The following SFXN5 variants were observed in gnomAD, a reference collection of about 807,000 sequenced individuals.
The protein encoded by SFXN5 is sideroflexin-5.
A neutral mutation model predicts 50.2 loss-of-function variants in SFXN5; 43 were observed. The ratio of observed to expected loss-of-function variants is 0.86; its 90% CI spans 0.67 to 1.11. The LOEUF is 1.11. Ranked by LOEUF, SFXN5 falls within the 50% of genes least tolerant of loss-of-function variation. The pLI is 0.00. For synonymous variants in SFXN5, 203 were observed against 185.8 expected (o/e 1.09, Z -0.75); for missense variants, 463 against 454.1 (o/e 1.02, Z -0.18).
intron 3 of SFXN5, among the ~76,000 whole-genome samples, chr2:73,029,071 G>C (rs952835234): frequency 1.3e-5 from 2 of 152,172 alleles, no homozygotes; most frequent in Non-Finnish European, 2.9e-5. Context: ...TCCTGGGACC[G>C]GGTGCTGGCT....
intron 2 of SFXN5, among the ~76,000 whole-genome samples, chr2:73,056,613 AG>A (rs1682162711): frequency 6.6e-6 from 1 of 151,314 alleles, no homozygotes; most frequent in Non-Finnish European, 1.5e-5. Context: ...TGAACCTGGG[AG>A]GCAGAGGTTG....
intron 10 of SFXN5, among the ~76,000 whole-genome samples, chr2:72,987,971 C>A (rs1270021425): frequency 6.6e-6 from 1 of 152,216 alleles, no homozygotes; most frequent in East Asian, 1.9e-4. Context: ...TAATGTAAAT[C>A]TTTTCCCTGA....
At chr2:73,012,172 T>C (rs1368137131) in intron 6 of SFXN5, among the ~76,000 whole-genome samples, 1 of 152,188 alleles carries the variant, frequency 6.6e-6, no homozygotes, top group Admixed American at 6.5e-5. Context: ...TATGCAGATA[T>C]CTAGAAAAAG....
intron 2 of SFXN5, among the ~76,000 whole-genome samples, chr2:73,052,195 C>A (rs1681415499): frequency 6.6e-6 from 1 of 152,096 alleles, no homozygotes; most frequent in South Asian, 2.1e-4. Context: ...ACCATTTATC[C>A]AGGAAGCCCT....
chr2:72,993,589 T>C (rs898454688), intron 9 of SFXN5, among the ~76,000 whole-genome samples: 1 of 152,196 alleles, frequency 6.6e-6, no homozygotes, highest in Non-Finnish European at 1.5e-5. Flanking sequence ...GACACAGAGC[T>C]GCTTTCTGTG....
intron 1 of SFXN5, among the ~76,000 whole-genome samples, chr2:73,063,160 T>A (rs1447682198): frequency 6.6e-6 from 1 of 152,156 alleles, no homozygotes; most frequent in Non-Finnish European, 1.5e-5. Context: ...ATTGGTCATA[T>A]CAGTCTGAGA....
chr2:72,989,741 T>C (rs1294748268), intron 9 of SFXN5, among the ~76,000 whole-genome samples: 2 of 152,144 alleles, frequency 1.3e-5, no homozygotes, highest in Non-Finnish European at 2.9e-5. Flanking sequence ...GAGAAATGCA[T>C]ACAAGTGCAG....
At chr2:72,959,428 C>G (rs1474008211) in intron 13 of SFXN5, among the ~76,000 whole-genome samples, 4 of 152,240 alleles carry the variant, frequency 2.6e-5, no homozygotes, top group Non-Finnish European at 5.9e-5. Flanking sequence ...CACTCCCAGA[C>G]CACGTGCTGC....
chr2:73,070,858 G>A (rs1683536613), intron 1 of SFXN5: 2 of 152,418 alleles, frequency 1.3e-5, no homozygotes, highest in South Asian at 4.1e-4. Context: ...CAGCGAGGAA[G>A]AGGCTGGGGG....
intron 13 of SFXN5, among the ~76,000 whole-genome samples, chr2:72,952,495 C>G (rs1672643974): frequency 6.6e-6 from 1 of 152,210 alleles, no homozygotes; most frequent in South Asian, 2.1e-4. Flanking sequence ...TCAGTAACAG[C>G]TGAGTTAAGT....
intron 2 of SFXN5, among the ~76,000 whole-genome samples, chr2:73,051,257 C>CT (rs35074891): frequency 0.61 from 69,865 of 113,778 alleles, 23,584 homozygotes; most frequent in Middle Eastern, 0.77. Context: ...TTTTCCAGCA[C>CT]TTTTTTTTTT....
At chr2:73,071,519 C>A in intron 1 of SFXN5, 85 bp downstream of exon 1, 1 of 1,339,792 alleles carries the variant, frequency 7.5e-7, no homozygotes, top group East Asian at 2.5e-5. Context: ...GTGGGAGACC[C>A]TTGGGCGGAA....
intron 2 of SFXN5, chr2:73,041,621 C>T (rs541090083): frequency 5.6e-5 from 24 of 427,552 alleles, no homozygotes; most frequent in Admixed American, 1.5e-4. Flanking sequence ...ACCCAGGAGG[C>T]AGGGGTTGCA....
Position 72,968,510 on chromosome 2 carries a change from C to A in SFXN5, c.765G>T (p.Thr255=), listed in dbSNP as rs376896256. ...ARHALLETAL[T]RVVLPMPILV... The stretch of plus-strand genomic sequence containing the variant: ...GGATGGGCATGGGCAGGACCACTCG[C>A]GTCAGCGCCGTCTCCAGCAGGGCCT... The change falls in exon 12 of 14, where the codon ACG becomes ACT. Residue 255 remains threonine (T), a synonymous_variant. Coordinates refer to ENST00000272433, the MANE Select transcript of SFXN5 (RefSeq NM_144579.3). 1.2e-6 allele frequency: 2 copies of A among 1,613,340 alleles called. No individual in the cohort carries two copies. The highest frequency in any genetic ancestry group is 1.7e-6 in the Non-Finnish European group (2 of 1,180,008).
Position 73,037,817 on chromosome 2 carries a change from T to C in SFXN5, c.249+3037A>G, listed in dbSNP as rs887584738. Among the ~76,000 whole-genome samples, 4 of 152,202 alleles carry C rather than the reference T, an allele frequency of 2.6e-5. No homozygotes were observed. The East Asian group carries it at 5.8e-4, about 22-fold the overall frequency. On this transcript the variant is annotated intron_variant, in intron 3 of 13. Coordinates refer to ENST00000272433, the MANE Select transcript of SFXN5 (RefSeq NM_144579.3). Reference sequence around the variant, plus strand: ...AGGCTGAGTGCAGAATTATAATTTTTCAGACATAAAAAGACTCAAAACTTT... The same window carrying C: ...AGGCTGAGTGCAGAATTATAATTTTCCAGACATAAAAAGACTCAAAACTTT...
chr2:72,990,239 G>A (rs1672417404), intron 9 of SFXN5, among the ~76,000 whole-genome samples: 1 of 152,228 alleles, frequency 6.6e-6, no homozygotes, highest in African/African-American at 2.4e-5. Context: ...GTCTCAGGCT[G>A]ATCCTCAGAG....
intron 11 of SFXN5, among the ~76,000 whole-genome samples, chr2:72,969,542 G>GC (rs1484901915): frequency 6.6e-6 from 1 of 151,868 alleles, no homozygotes; most frequent in African/African-American, 2.4e-5. Flanking sequence ...TTACAGGCAT[G>GC]CCCCACCACA....
intron 9 of SFXN5, among the ~76,000 whole-genome samples, chr2:72,995,353 C>T (rs1673092977): frequency 6.6e-6 from 1 of 152,234 alleles, no homozygotes; most frequent in African/African-American, 2.4e-5. Context: ...AGCAAGCAGC[C>T]AGACATTGCC....
intron 2 of SFXN5, among the ~76,000 whole-genome samples, chr2:73,041,936 C>A (rs965299211): frequency 1.3e-5 from 2 of 152,050 alleles, no homozygotes; most frequent in Admixed American, 6.6e-5. Flanking sequence ...TGGGCTCAAG[C>A]GAGATCTGCC....
Sources: allele counts gnomAD v4.1 joint callset (sites outside exome capture counted in the v4.1 genomes callset), GRCh38; gene constraint gnomAD v4.1.1; transcripts MANE v1.5; gene names NCBI Gene and HGNC (gene_info 2026-07-23, HGNC 2026-07-21).